ADARB2: variants seen among roughly 807,000 people sequenced by gnomAD.
The protein encoded by ADARB2 is inactive double-stranded RNA-specific editase B2.
ADARB2 carries 25 observed loss-of-function variants against 62.2 expected under a neutral mutation model. The observed-to-expected ratio is 0.40, with a 90% CI of 0.29 to 0.56. The LOEUF (loss-of-function observed/expected upper bound fraction) is 0.56. Among genes scored for constraint, ADARB2 ranks in the 20% least tolerant of loss-of-function variants. ADARB2 has a pLI of 0.43. For missense variants in ADARB2, 1,071 were observed against 1,077.4 expected (o/e 0.99, Z 0.08); for synonymous variants, 572 against 500.8 (o/e 1.14, Z -1.90).
intron 1 of ADARB2, among the ~76,000 whole-genome samples, chr10:1,501,982 C>T (rs2131938701): frequency 6.6e-6 from 1 of 152,310 alleles, no homozygotes; most frequent in South Asian, 2.1e-4. Flanking sequence ...CAAAGCAGGT[C>T]CATGGATGTT....
intron 1 of ADARB2, among the ~76,000 whole-genome samples, chr10:1,382,669 G>A (rs537412741): frequency 6.8e-6 from 1 of 147,698 alleles, no homozygotes; most frequent in Non-Finnish European, 1.5e-5. Flanking sequence ...TGGAAATCTG[G>A]TTTTACTCAA....
At chr10:1,734,617 C>T (rs553523630) in intron 1 of ADARB2, among the ~76,000 whole-genome samples, 20 of 152,288 alleles carry the variant, frequency 1.3e-4, no homozygotes, top group African/African-American at 1.4e-4. Flanking sequence ...GGTAGAAATA[C>T]GCATCTGACA....
chr10:1,651,938 G>A (rs569976708), intron 1 of ADARB2, among the ~76,000 whole-genome samples: 2 of 151,682 alleles, frequency 1.3e-5, no homozygotes, highest in South Asian at 2.1e-4. Flanking sequence ...AAGATCCATC[G>A]AAAAGCATCA....
intron 1 of ADARB2, among the ~76,000 whole-genome samples, chr10:1,379,489 C>G (rs559856029): frequency 1.3e-5 from 2 of 152,200 alleles, no homozygotes; most frequent in Non-Finnish European, 2.9e-5. Flanking sequence ...AGGGCAGAGC[C>G]TTCTGTCGAG....
chr10:1,630,956 A>AAAAC (rs57053077), intron 1 of ADARB2, among the ~76,000 whole-genome samples: 11,167 of 149,416 alleles, frequency 0.075, 439 homozygotes, highest in Admixed American at 0.1. Flanking sequence ...CTCCTTCTCA[A>AAAAC]AAACAAACAA....
At chr10:1,229,845 C>CAT (rs1456831698) in intron 6 of ADARB2, among the ~76,000 whole-genome samples, 3 of 120,120 alleles carry the variant, frequency 2.5e-5, no homozygotes, top group East Asian at 2.4e-4. Flanking sequence ...CATGTGCTTA[C>CAT]GTGTGTGTGT....
At chr10:1,638,987 G>A (rs138061324) in intron 1 of ADARB2, among the ~76,000 whole-genome samples, 155 of 152,344 alleles carry the variant, frequency 1.0e-3, no homozygotes, top group African/African-American at 3.6e-3. Context: ...GGAAGAAGCC[G>A]TCTTGGCGAG....
At chr10:1,240,790 A>G (rs1830912831) in intron 5 of ADARB2, among the ~76,000 whole-genome samples, 1 of 152,260 alleles carries the variant, frequency 6.6e-6, no homozygotes, top group Non-Finnish European at 1.5e-5. Context: ...CTTCTCTGAC[A>G]CAAACAAGAG....
intron 8 of ADARB2, among the ~76,000 whole-genome samples, chr10:1,197,855 A>T (rs1448406337): frequency 2.6e-5 from 4 of 152,240 alleles, no homozygotes; most frequent in Non-Finnish European, 2.9e-5. Context: ...AAGCTCAGAG[A>T]AGCATATATC....
chr10:1,438,081 G>A (rs1277880281), intron 1 of ADARB2, among the ~76,000 whole-genome samples: 1 of 152,202 alleles, frequency 6.6e-6, no homozygotes. Context: ...GGCAGACAAA[G>A]GCCCTGAAGA....
chr10:1,651,082 C>T (rs967665212), intron 1 of ADARB2, among the ~76,000 whole-genome samples: 13 of 152,216 alleles, frequency 8.5e-5, no homozygotes, highest in South Asian at 2.1e-4. Context: ...ACAGACGGCC[C>T]GGCTTCTGTG....
At chr10:1,242,054 C>CAT in intron 5 of ADARB2, 77 bp downstream of exon 5, 1 of 1,463,870 alleles carries the variant, frequency 6.8e-7, no homozygotes, top group Non-Finnish European at 9.1e-7. Flanking sequence ...CTGAGCCAGG[C>CAT]ATGGGGCCCC....
At chr10:1,198,183 G>T (rs2131740790) in intron 8 of ADARB2, among the ~76,000 whole-genome samples, 1 of 152,312 alleles carries the variant, frequency 6.6e-6, no homozygotes, top group Non-Finnish European at 1.5e-5. Context: ...TGCATCCCGT[G>T]ACTGTGTGAG....
chr10:1,722,338 G>A (rs1206128761), intron 1 of ADARB2, among the ~76,000 whole-genome samples: 1 of 152,192 alleles, frequency 6.6e-6, no homozygotes, highest in Non-Finnish European at 1.5e-5. Context: ...AATAGAACAT[G>A]CACATTTACC....
At chr10:1,329,900 G>A (rs997922075) in intron 3 of ADARB2, among the ~76,000 whole-genome samples, 1 of 142,628 alleles carries the variant, frequency 7.0e-6, no homozygotes, top group African/African-American at 2.5e-5. Flanking sequence ...CAGGGCCTCA[G>A]AACTACTAAA....
At chr10:1,334,997 C>G (rs11250428) in intron 3 of ADARB2, among the ~76,000 whole-genome samples, 4,593 of 152,198 alleles carry the variant, frequency 0.03, 190 homozygotes, top group African/African-American at 0.094. Context: ...AAAAGTGCAG[C>G]CCAAGATAGT....
intron 1 of ADARB2, among the ~76,000 whole-genome samples, chr10:1,485,503 C>T (rs989419413): frequency 6.6e-6 from 1 of 152,102 alleles, no homozygotes; most frequent in African/African-American, 2.4e-5. Context: ...CAGCCTGCAT[C>T]AACAACTCTC....
At chr10:1,282,530 A>G (rs1479784456) in intron 3 of ADARB2, among the ~76,000 whole-genome samples, 1 of 152,258 alleles carries the variant, frequency 6.6e-6, no homozygotes. Context: ...ACAGCAGCTT[A>G]GAATTCAGAT....
At chr10:1,625,084 T>C (rs1833749984) in intron 1 of ADARB2, among the ~76,000 whole-genome samples, 1 of 152,228 alleles carries the variant, frequency 6.6e-6, no homozygotes, top group African/African-American at 2.4e-5. Flanking sequence ...TTTATCTGCA[T>C]CTGTTCAGAA....
Sources: gnomAD v4.1 joint callset for allele counts (sites outside exome capture counted in the v4.1 genomes callset) on GRCh38, gnomAD v4.1.1 for gene constraint, MANE v1.5 for transcripts, NCBI Gene and HGNC (gene_info 2026-07-23, HGNC 2026-07-21) for gene names.